KLF7: variants seen among roughly 807,000 people sequenced by gnomAD.
KLF7 encodes Krueppel-like factor 7.
Under a neutral mutation model 27.3 loss-of-function variants are expected in KLF7, and 2 were observed. The observed-to-expected ratio is 0.07, with a 90% CI of 0.03 to 0.23. KLF7 has a LOEUF of 0.23. Among genes scored for constraint, KLF7 ranks in the 10% least tolerant of loss-of-function variants. KLF7 has a pLI of 1.00. For missense variants in KLF7, 221 were observed against 394.1 expected (o/e 0.56, Z 3.72); for synonymous variants, 165 against 162.4 (o/e 1.02, Z -0.12).
At chr2:207,132,961 T>A (rs1022242745) in intron 1 of KLF7, among the ~76,000 whole-genome samples, 1 of 152,218 alleles carries the variant, frequency 6.6e-6, no homozygotes, top group Admixed American at 6.5e-5. Context: ...CTGCAGGACA[T>A]ACTGACTGGG....
At chr2:207,117,105 T>C (rs1031343961) in intron 2 of KLF7, among the ~76,000 whole-genome samples, 1 of 152,198 alleles carries the variant, frequency 6.6e-6, no homozygotes, top group African/African-American at 2.4e-5. Context: ...TTTGTGACTA[T>C]CAATTATCCA....
intron 2 of KLF7, among the ~76,000 whole-genome samples, chr2:207,092,243 G>A (rs74946207): frequency 0.049 from 7,516 of 152,282 alleles, 264 homozygotes; most frequent in Middle Eastern, 0.092. Context: ...GTCTATGTGA[G>A]ACAGGTAGAT....
At chr2:207,125,090 G>A (rs1270747385) in intron 1 of KLF7, among the ~76,000 whole-genome samples, 1 of 152,144 alleles carries the variant, frequency 6.6e-6, no homozygotes, top group East Asian at 1.9e-4. Context: ...TGTGGCAAGG[G>A]GCATAAATCC....
intron 2 of KLF7, among the ~76,000 whole-genome samples, chr2:207,104,082 C>T (rs577836537): frequency 6.6e-6 from 1 of 152,202 alleles, no homozygotes; most frequent in Non-Finnish European, 1.5e-5. Flanking sequence ...AACTCCTCAA[C>T]TTAAATGTGG....
At chr2:207,139,685 T>C (rs2106053417) in intron 1 of KLF7, among the ~76,000 whole-genome samples, 1 of 152,320 alleles carries the variant, frequency 6.6e-6, no homozygotes, top group East Asian at 1.9e-4. Context: ...CTCTACGTAA[T>C]CTCTCCTGGT....
chr2:207,128,507 A>G (rs1574515149), intron 1 of KLF7, among the ~76,000 whole-genome samples: 1 of 152,242 alleles, frequency 6.6e-6, no homozygotes, highest in Non-Finnish European at 1.5e-5. Flanking sequence ...GAAACAAGGT[A>G]TCTGCCTAGT....
At chr2:207,117,499 A>G (rs764619525) in intron 2 of KLF7, among the ~76,000 whole-genome samples, 1 of 152,304 alleles carries the variant, frequency 6.6e-6, no homozygotes. Flanking sequence ...TCGGGGTTTA[A>G]TGAGTTTCTG....
At chr2:207,089,776 T>C (rs1055870349) in intron 2 of KLF7, among the ~76,000 whole-genome samples, 1 of 152,116 alleles carries the variant, frequency 6.6e-6, no homozygotes, top group Non-Finnish European at 1.5e-5. Flanking sequence ...TCAATACACA[T>C]GCATATTATA....
At chr2:207,088,419 T>C (rs1335170791) in intron 3 of KLF7, 39 bp downstream of exon 3, 1 of 1,597,930 alleles carries the variant, frequency 6.3e-7, no homozygotes, top group Non-Finnish European at 8.6e-7. Flanking sequence ...CACTTCCCCA[T>C]CTCTCCTCCC....
intron 1 of KLF7, among the ~76,000 whole-genome samples, chr2:207,133,042 C>T (rs2077680291): frequency 6.6e-6 from 1 of 152,178 alleles, no homozygotes; most frequent in African/African-American, 2.4e-5. Context: ...ATTACTTGGC[C>T]ACTGGACTAT....
chr2:207,127,201 G>A (rs561753676), intron 1 of KLF7, among the ~76,000 whole-genome samples: 1 of 152,288 alleles, frequency 6.6e-6, no homozygotes, highest in South Asian at 2.1e-4. Context: ...CCATTTCAGA[G>A]TGGCTATAAT....
intron 2 of KLF7, among the ~76,000 whole-genome samples, chr2:207,096,186 G>A (rs1020262640): frequency 1.4e-4 from 22 of 152,158 alleles, no homozygotes; most frequent in African/African-American, 5.1e-4. Context: ...AGAAAGCTAG[G>A]GGAGGAAGGA....
At chr2:207,113,785 T>A (rs1206991275) in intron 2 of KLF7, among the ~76,000 whole-genome samples, 1 of 151,600 alleles carries the variant, frequency 6.6e-6, no homozygotes, top group African/African-American at 2.4e-5. Context: ...ATTTTCCCCC[T>A]CCCCTTCTCA....
rs142820789 is a variant in KLF7, at chr2:207,124,832, C to T, written c.103-428G>A. On this transcript the variant is annotated intron_variant, in intron 1 of 3. Coordinates refer to ENST00000309446, the MANE Select transcript of KLF7 (RefSeq NM_003709.4). Reference sequence around the variant, plus strand: ...CAGAGTCCAACTTCATTATTCAAAACAGACTTGAGCACATCACACAAGTAA... The same window carrying T: ...CAGAGTCCAACTTCATTATTCAAAATAGACTTGAGCACATCACACAAGTAA... Among the ~76,000 whole-genome samples the T allele has an allele frequency of 5.2e-3, 795 of 152,306 alleles. 13 individuals are homozygous for T. Among genetic ancestry groups the T allele is most frequent in the African/African-American group, 0.019 (770 of 41,568 alleles).
Position 207,104,449 on chromosome 2 carries a change from T to C in KLF7, c.734-15868A>G, listed in dbSNP as rs894074188. ...CATCAGCCAAGACTTGTGGTCCAAT[T>C]CCACCCACCTTCAATGGGTGATAGG... On this transcript the variant is annotated intron_variant, in intron 2 of 3. Coordinates refer to ENST00000309446, the MANE Select transcript of KLF7 (RefSeq NM_003709.4). Among the ~76,000 whole-genome samples the C allele has an allele frequency of 3.9e-5, 6 of 152,180 alleles. 1 individual carries two copies. The highest frequency in any genetic ancestry group is 3.3e-4 in the Admixed American group (5 of 15,284).
intron 2 of KLF7, among the ~76,000 whole-genome samples, chr2:207,119,263 T>C (rs1339895760): frequency 6.6e-6 from 1 of 152,198 alleles, no homozygotes; most frequent in Admixed American, 6.5e-5. Context: ...TCACTCATAA[T>C]AACATAAATG....
At position 207,100,641 on chromosome 2, in the gene KLF7, C is replaced by T. The variant is rs926214643; in HGVS notation, c.734-12060G>A. ...CCTTTCTCACTCGCTGGGATGTCCC[C>T]TGCTCAGAATGTGCCTATTCTCCAC... is the stretch of plus-strand genomic sequence containing the variant. On this transcript the variant is annotated intron_variant, in intron 2 of 3. Transcript: ENST00000309446. 7.9e-5 allele frequency among the ~76,000 whole-genome samples: 12 copies of T among 152,366 alleles called. No homozygotes were observed. In the South Asian group the frequency reaches 2.5e-3, roughly 32 times the overall value.
chr2:207,116,982 A>C (rs1179143286), intron 2 of KLF7, among the ~76,000 whole-genome samples: 1 of 152,220 alleles, frequency 6.6e-6, no homozygotes, highest in Non-Finnish European at 1.5e-5. Context: ...CTCGGCAATA[A>C]AGAGGGACTA....
At chr2:207,151,723 TAC>T (rs72289250) in intron 1 of KLF7, among the ~76,000 whole-genome samples, 24,808 of 149,858 alleles carry the variant, frequency 0.17, 2,341 homozygotes, top group East Asian at 0.27. Flanking sequence ...TGAAAAATTT[TAC>T]ACACACACAC....
Sources: gnomAD v4.1 joint callset for allele counts (sites outside exome capture counted in the v4.1 genomes callset) on GRCh38, gnomAD v4.1.1 for gene constraint, MANE v1.5 for transcripts, NCBI Gene and HGNC (gene_info 2026-07-23, HGNC 2026-07-21) for gene names.